The following CFAP77 variants were observed in gnomAD, a reference collection of about 807,000 sequenced individuals.
The protein encoded by CFAP77 is cilia- and flagella-associated protein 77.
CFAP77 carries 25 observed loss-of-function variants against 31.1 expected under a neutral mutation model. That is an observed-to-expected ratio of 0.80 (90% CI 0.59 to 1.12). The LOEUF is 1.12. Among genes scored for constraint, CFAP77 ranks in the 50% most tolerant of loss-of-function variants. The probability of loss-of-function intolerance (pLI) is 0.00; values close to 1 mark genes in which losing one functional copy is unlikely to be tolerated. For missense variants in CFAP77, 377 were observed against 397.3 expected, an observed-to-expected ratio of 0.95 and a Z score of 0.44; for synonymous variants, 151 against 159.9, an observed-to-expected ratio of 0.94 and a Z score of 0.42.
chr9:132,445,482 C>T (rs548448972), intron 1 of CFAP77, among the ~76,000 whole-genome samples: 9 of 152,296 alleles, frequency 5.9e-5, no homozygotes, highest in African/African-American at 1.7e-4. Flanking sequence ...ATTCATTCCT[C>T]TGTTGAAGGA....
At chr9:132,506,474 C>A (rs1178401012) in intron 3 of CFAP77, among the ~76,000 whole-genome samples, 1 of 151,892 alleles carries the variant, frequency 6.6e-6, no homozygotes, top group African/African-American at 2.4e-5. Context: ...AGGGAGGGCC[C>A]GGCAGCAGCT....
At chr9:132,524,234 G>C (rs1288192876) in intron 3 of CFAP77, among the ~76,000 whole-genome samples, 1 of 152,016 alleles carries the variant, frequency 6.6e-6, no homozygotes, top group Non-Finnish European at 1.5e-5. Context: ...AAATGATTTG[G>C]GAAGCTGTTT....
At chr9:132,450,853 G>A (rs1439899006) in intron 1 of CFAP77, among the ~76,000 whole-genome samples, 2 of 152,228 alleles carry the variant, frequency 1.3e-5, no homozygotes, top group Non-Finnish European at 2.9e-5. Context: ...TGGCAGTTGT[G>A]TGAGTGAGAG....
At chr9:132,529,918 A>G (rs1379138399) in intron 3 of CFAP77, among the ~76,000 whole-genome samples, 1 of 151,932 alleles carries the variant, frequency 6.6e-6, no homozygotes, top group African/African-American at 2.4e-5. Flanking sequence ...CCAGCAGTGC[A>G]TGGGAGCTGT....
In CFAP77 at chr9:132,511,361, C is replaced by T. The variant is rs1852035733; in HGVS notation, c.524+11761C>T. Among the ~76,000 whole-genome samples the T allele has an allele frequency of 1.3e-5, 2 of 152,198 alleles. No homozygotes were observed. The highest frequency in any genetic ancestry group is 4.1e-4 in the South Asian group (2 of 4,830). On this transcript the variant is annotated intron_variant, in intron 3 of 5. Transcript: ENST00000393216. This position sits in a 1 kb window ranked among gnomAD's most constrained non-coding sequence, Gnocchi z 5.8. ...CCTTGCCTGGCGGAGGCCTCACCGT[C>T]CTTCAGACACTCCTGTGTCTCTTGC...
At chr9:132,486,062 GTGTGTA>G (rs1217760137) in intron 1 of CFAP77, among the ~76,000 whole-genome samples, 2 of 21,542 alleles carry the variant, frequency 9.3e-5, no homozygotes, top group African/African-American at 5.8e-4. Flanking sequence ...GTATGTGTGT[GTGTGTA>G]TATATATATA....
At position 132,486,090 on chromosome 9, in the gene CFAP77, A is replaced by ATTTTTTTTTTTTTT. The variant is rs1178281920; in HGVS notation, c.196-12598_196-12585dup. Among the ~76,000 whole-genome samples the ATTTTTTTTTTTTTT allele has an allele frequency of 1.3e-4, 2 of 15,362 alleles. 1 individual carries two copies. The highest frequency in any genetic ancestry group is 5.4e-3 in the South Asian group (2 of 368). The allele number at this position is 15,362 out of a possible 152,430, so 10.1% of individuals were successfully genotyped here. A position where few individuals can be genotyped will look rare whatever the true frequency, so the allele number is the denominator to read the frequency against. ...TGTATATATATATATATATATATAT[A>ATTTTTTTTTTTTTT]TTTTTTTTTTTTTTTTTTTTGAGAC... On this transcript the variant is annotated intron_variant, in intron 1 of 5. Coordinates refer to ENST00000393216, the MANE Select transcript of CFAP77 (RefSeq NM_001282957.2).
chr9:132,550,289 C>T (rs1589921235), intron 5 of CFAP77, among the ~76,000 whole-genome samples: 2 of 152,200 alleles, frequency 1.3e-5, no homozygotes, highest in South Asian at 2.1e-4. Flanking sequence ...TCACCAGAAT[C>T]GATGAGTAAG....
intron 5 of CFAP77, among the ~76,000 whole-genome samples, chr9:132,557,754 G>A (rs899061025): frequency 7.9e-5 from 12 of 152,108 alleles, no homozygotes; most frequent in African/African-American, 2.7e-4. Flanking sequence ...AGCCCCTACC[G>A]GCCTCCTCAT....
At chr9:132,454,458 C>T (rs1298976207) in intron 1 of CFAP77, among the ~76,000 whole-genome samples, 1 of 152,142 alleles carries the variant, frequency 6.6e-6, no homozygotes, top group African/African-American at 2.4e-5. Flanking sequence ...AAGCTTCTTT[C>T]TCCATAAAAC....
chr9:132,442,060 A>G (rs1217571812), intron 1 of CFAP77, among the ~76,000 whole-genome samples: 1 of 152,142 alleles, frequency 6.6e-6, no homozygotes, highest in Non-Finnish European at 1.5e-5. Flanking sequence ...ACCTACTACT[A>G]TGTGCCAGGA....
chr9:132,470,173 G>T (rs769974368), intron 1 of CFAP77, among the ~76,000 whole-genome samples: 1 of 152,126 alleles, frequency 6.6e-6, no homozygotes, highest in African/African-American at 2.4e-5. Context: ...TGGTCTTTTC[G>T]AAGCCATCTC....
chr9:132,523,088 CTTTTTTT>C (rs767708460), intron 3 of CFAP77, among the ~76,000 whole-genome samples: 5 of 125,266 alleles, frequency 4.0e-5, no homozygotes, highest in African/African-American at 5.6e-5. Flanking sequence ...TTTCTTCTTT[CTTTTTTT>C]TTTTTTTTTT....
intron 1 of CFAP77, among the ~76,000 whole-genome samples, chr9:132,448,737 C>T (rs1850769931): frequency 6.6e-6 from 1 of 152,194 alleles, no homozygotes; most frequent in Non-Finnish European, 1.5e-5. Flanking sequence ...CAGGCATGCA[C>T]CACCATATCC....
At chr9:132,441,345 A>G (rs1850612762) in intron 1 of CFAP77, among the ~76,000 whole-genome samples, 1 of 152,202 alleles carries the variant, frequency 6.6e-6, no homozygotes, top group Non-Finnish European at 1.5e-5. Flanking sequence ...GGGAAATTGT[A>G]GTGAAGTTGA....
rs1440850608 is a variant in CFAP77 at position 132,554,399 on chromosome 9, C to G, written c.732+11352C>G. On this transcript the variant is annotated intron_variant, in intron 5 of 5. Coordinates refer to ENST00000393216, the MANE Select transcript of CFAP77 (RefSeq NM_001282957.2). The surrounding 1 kb of genome is among the most constrained non-coding windows in gnomAD (Gnocchi z 4.1). ...TCTCACTCTGTCACCCAGGCTGGAGCACAGTGGCACAATCACAGCCTCAAC... is the reference window on the plus strand; with the variant it reads ...TCTCACTCTGTCACCCAGGCTGGAGGACAGTGGCACAATCACAGCCTCAAC... Among the ~76,000 whole-genome samples, 1 of 151,866 alleles carries G rather than the reference C, an allele frequency of 6.6e-6. No homozygotes were observed. Among genetic ancestry groups the G allele is most frequent in the Non-Finnish European group, 1.5e-5 (1 of 67,982 alleles).
chr9:132,487,968 C>G (rs545402452), intron 1 of CFAP77, among the ~76,000 whole-genome samples: 3 of 152,250 alleles, frequency 2.0e-5, no homozygotes, highest in Admixed American at 2.0e-4. Flanking sequence ...AACTACCCCC[C>G]CATGAGCAAA....
At chr9:132,492,685 T>C (rs926637136) in intron 1 of CFAP77, among the ~76,000 whole-genome samples, 2 of 152,236 alleles carry the variant, frequency 1.3e-5, no homozygotes, top group Non-Finnish European at 2.9e-5. Context: ...CAGGATTGTT[T>C]TATGAATCGG....
chr9:132,530,136 CTTTTTT>C (rs750962954), intron 3 of CFAP77, among the ~76,000 whole-genome samples: 13 of 93,264 alleles, frequency 1.4e-4, no homozygotes, highest in African/African-American at 3.8e-4. Flanking sequence ...TCTTTCTTTT[CTTTTTT>C]TTTTTTTTTT....
Sources: allele counts gnomAD v4.1 joint callset (sites outside exome capture counted in the v4.1 genomes callset), GRCh38; gene constraint gnomAD v4.1.1; non-coding constraint Gnocchi (gnomAD v3.1); transcripts MANE v1.5; gene names NCBI Gene and HGNC (gene_info 2026-07-23, HGNC 2026-07-21).